Variants in SUGCT observed in about 807,000 individuals in gnomAD.
SUGCT encodes the protein succinyl-CoA:glutarate CoA-transferase.
In SUGCT, 41 loss-of-function variants were observed where a neutral mutation model predicts 55.0. The observed-to-expected ratio is 0.74, with a 90% CI of 0.58 to 0.97. The LOEUF (loss-of-function observed/expected upper bound fraction) is 0.97, where lower values mean the gene tolerates loss of function less well. SUGCT is among the 50% of genes least tolerant of loss of function. The pLI is 0.00. For synonymous variants in SUGCT, 187 were observed against 200.4 expected (o/e 0.93, Z 0.56); for missense variants, 568 against 547.8 (o/e 1.04, Z -0.37).
chr7:40,526,987 C>A (rs1045976141), intron 12 of SUGCT, among the ~76,000 whole-genome samples: 51 of 152,124 alleles, frequency 3.4e-4, no homozygotes, highest in African/African-American at 1.2e-3. Context: ...TTAAGCCATA[C>A]TTTTCTTTCT....
intron 12 of SUGCT, among the ~76,000 whole-genome samples, chr7:40,691,397 T>A (rs2128651058): frequency 6.6e-6 from 1 of 152,272 alleles, no homozygotes; most frequent in East Asian, 1.9e-4. Context: ...TATTTCTTAC[T>A]GATCATGAGC....
chr7:40,935,941 ACTAGT>A, the SUGCT span, among the ~76,000 whole-genome samples: 1 of 152,126 alleles, frequency 6.6e-6, no homozygotes, highest in Non-Finnish European at 1.5e-5. Flanking sequence ...TTCCTAGTAG[ACTAGT>A]CAAGTAATAT....
At chr7:40,801,508 C>G (rs1447551822) in intron 13 of SUGCT, among the ~76,000 whole-genome samples, 1 of 152,056 alleles carries the variant, frequency 6.6e-6, no homozygotes. Context: ...ATTCAAAGTA[C>G]TTCATCTTGA....
intron 10 of SUGCT, among the ~76,000 whole-genome samples, chr7:40,452,577 C>T (rs1295623096): frequency 6.6e-6 from 1 of 152,124 alleles, no homozygotes. Context: ...ATGTTTAAGG[C>T]CTACTGTAAG....
chr7:40,543,623 C>T (rs564838061), intron 12 of SUGCT, among the ~76,000 whole-genome samples: 1 of 152,340 alleles, frequency 6.6e-6, no homozygotes, highest in South Asian at 2.1e-4. Context: ...ACCATTAACT[C>T]ATGCTACTTT....
intron 9 of SUGCT, among the ~76,000 whole-genome samples, chr7:40,360,475 G>A (rs930346090): frequency 7.9e-5 from 12 of 152,162 alleles, no homozygotes; most frequent in African/African-American, 1.9e-4. Flanking sequence ...TGTGCCAAGC[G>A]CTGGGTCTAC....
At chr7:40,430,884 C>CGG (rs1787857982) in intron 9 of SUGCT, among the ~76,000 whole-genome samples, 1 of 151,582 alleles carries the variant, frequency 6.6e-6, no homozygotes. Context: ...GAGGCTGAGG[C>CGG]GGGCCTCAGC....
In SUGCT at chr7:40,744,124, C is replaced by T. The variant is rs1045661942; in HGVS notation, c.1090-5310C>T. 9.3e-5 allele frequency among the ~76,000 whole-genome samples: 14 copies of T among 150,434 alleles called. No homozygotes were observed. In the East Asian group the frequency reaches 1.2e-3, roughly 13 times the overall value. On this transcript the variant is annotated intron_variant, in intron 12 of 13. Transcript: ENST00000335693. ...TTTTTTTTTAGTAGACGCGGGGTTTCGCCATGTCGGCCAGGCTGGTCTTGA... is the reference window on the plus strand; with the variant it reads ...TTTTTTTTTAGTAGACGCGGGGTTTTGCCATGTCGGCCAGGCTGGTCTTGA...
intron 9 of SUGCT, among the ~76,000 whole-genome samples, chr7:40,321,838 G>A (rs1490981005): frequency 2.0e-5 from 3 of 152,198 alleles, no homozygotes; most frequent in Admixed American, 2.0e-4. Context: ...ATTGTTGACA[G>A]GCACTTAGGT....
At chr7:41,029,163 G>A in the SUGCT span, among the ~76,000 whole-genome samples, 3 of 152,114 alleles carry the variant, frequency 2.0e-5, no homozygotes, top group Admixed American at 6.5e-5. Flanking sequence ...TACATGCAGT[G>A]CGATGACCTG....
At chr7:40,744,229 C>CT (rs1787618042) in intron 12 of SUGCT, among the ~76,000 whole-genome samples, 1 of 152,060 alleles carries the variant, frequency 6.6e-6, no homozygotes, top group Admixed American at 6.6e-5. Flanking sequence ...CGCCTGGCCA[C>CT]TGATGAGGGT....
chr7:40,953,671 G>A, the SUGCT span, among the ~76,000 whole-genome samples: 2 of 152,212 alleles, frequency 1.3e-5, no homozygotes, highest in Non-Finnish European at 2.9e-5. Flanking sequence ...CCCTCTAACA[G>A]TCAGGACCCT....
chr7:40,897,118 C>T, the SUGCT span, among the ~76,000 whole-genome samples: 1 of 152,050 alleles, frequency 6.6e-6, no homozygotes, highest in Non-Finnish European at 1.5e-5. Context: ...AAGATAGTCT[C>T]TTCAATAAAT....
chr7:40,243,042 C>G (rs910945214), intron 7 of SUGCT, among the ~76,000 whole-genome samples: 3 of 139,794 alleles, frequency 2.1e-5, no homozygotes, highest in Non-Finnish European at 4.6e-5. Context: ...CTCAGGTGGT[C>G]CTCCCCACTC....
chr7:40,320,601 C>A (rs923977256), intron 9 of SUGCT, among the ~76,000 whole-genome samples: 1 of 152,160 alleles, frequency 6.6e-6, no homozygotes, highest in Admixed American at 6.5e-5. Context: ...AATTTCATAG[C>A]CTGCATCTAT....
In SUGCT at chr7:40,737,916, C is replaced by T. The variant is rs186725714; in HGVS notation, c.1090-11518C>T. The stretch of plus-strand genomic sequence containing the variant: ...TCTGGCCTGGGCAACAAGAGTAAAA[C>T]TCCGTCTCAAAAAAAACAAAAAAAA... On this transcript the variant is annotated intron_variant, in intron 12 of 13. Transcript: ENST00000335693. 6.4e-3 allele frequency among the ~76,000 whole-genome samples: 956 copies of T among 150,350 alleles called. 19 individuals carry two copies. The highest frequency in any genetic ancestry group is 0.038 in the South Asian group (178 of 4,716).
At chr7:40,507,777 G>T (rs549019578) in intron 12 of SUGCT, among the ~76,000 whole-genome samples, 1 of 152,102 alleles carries the variant, frequency 6.6e-6, no homozygotes, top group Admixed American at 6.5e-5. Context: ...TTCAGGTCTG[G>T]CCCCAAATTG....
intron 12 of SUGCT, among the ~76,000 whole-genome samples, chr7:40,559,597 A>G (rs1031498065): frequency 5.3e-5 from 8 of 152,234 alleles, no homozygotes; most frequent in African/African-American, 1.9e-4. Flanking sequence ...CCCTCAAGGA[A>G]TCAGTTGATA....
At chr7:40,336,662 G>A (rs142042246) in intron 9 of SUGCT, among the ~76,000 whole-genome samples, 2,871 of 152,128 alleles carry the variant, frequency 0.019, 87 homozygotes, top group African/African-American at 0.066. Context: ...AGTCTTGCTA[G>A]CGGTCTGTCA....
Sources: gnomAD v4.1 joint callset for allele counts (sites outside exome capture counted in the v4.1 genomes callset) on GRCh38, gnomAD v4.1.1 for gene constraint, MANE v1.5 for transcripts, NCBI Gene and HGNC (gene_info 2026-07-23, HGNC 2026-07-21) for gene names.